Variants in CLEC1A observed in about 807,000 individuals in gnomAD.
CLEC1A encodes C-type lectin domain family 1 member A.
In CLEC1A, 34 loss-of-function variants were observed where a neutral mutation model predicts 28.7. That is an observed-to-expected ratio of 1.18 (90% CI 0.90 to 1.57). The LOEUF (loss-of-function observed/expected upper bound fraction) is 1.57. Ranked by LOEUF, CLEC1A falls within the 40% of genes most tolerant of loss-of-function variation. The pLI, the probability that CLEC1A is intolerant of heterozygous loss-of-function variation, is 0.00. For synonymous variants in CLEC1A, 116 were observed against 121.0 expected (o/e 0.96, Z 0.27); for missense variants, 385 against 339.5 (o/e 1.13, Z -1.05).
Position 10,071,284 on chromosome 12 carries a change from C to T in CLEC1A, c.*49G>A, listed in dbSNP as rs765283534. 1.5e-5 allele frequency: 24 copies of T among 1,563,782 alleles called. No individual in the cohort carries two copies. The highest frequency in any genetic ancestry group is 1.8e-5 in the Non-Finnish European group (21 of 1,147,762). The stretch of plus-strand genomic sequence containing the variant: ...TTCCCAATGTCTCAACTAGCCCTTG[C>T]TTTGGCACCGCCTGGCTCACTCTGC... On this transcript the variant is annotated 3_prime_UTR_variant, in exon 6 of 6. Coordinates refer to ENST00000315330, the MANE Select transcript of CLEC1A (RefSeq NM_016511.4).
intron 3 of CLEC1A, among the ~76,000 whole-genome samples, chr12:10,080,416 T>C (rs1265486358): frequency 6.6e-6 from 1 of 152,126 alleles, no homozygotes; most frequent in African/African-American, 2.4e-5. Context: ...GAAGTAAAAC[T>C]GTGCCTATTA....
At chr12:10,086,318 G>A (rs1235461002) in intron 2 of CLEC1A, among the ~76,000 whole-genome samples, 2 of 137,108 alleles carry the variant, frequency 1.5e-5, no homozygotes, top group African/African-American at 2.7e-5. Flanking sequence ...AAATCCAGTA[G>A]AAGAAAAGAA....
At chr12:10,074,901 G>A (rs1394286757) in intron 4 of CLEC1A, among the ~76,000 whole-genome samples, 2 of 151,922 alleles carry the variant, frequency 1.3e-5, no homozygotes, top group Non-Finnish European at 2.9e-5. Context: ...AATAAACAAC[G>A]GCCATACTAT....
At chr12:10,096,712 T>C (rs1219547851) in intron 1 of CLEC1A, among the ~76,000 whole-genome samples, 1 of 152,146 alleles carries the variant, frequency 6.6e-6, no homozygotes, top group African/African-American at 2.4e-5. Flanking sequence ...CTTATAGTTC[T>C]CTAAAAATAC....
At chr12:10,098,197 A>G (rs1405091443) in intron 1 of CLEC1A, among the ~76,000 whole-genome samples, 1 of 152,196 alleles carries the variant, frequency 6.6e-6, no homozygotes, top group Non-Finnish European at 1.5e-5. Flanking sequence ...CCATTTCTTA[A>G]GAACCTAAAG....
chr12:10,092,718 T>A (rs1424063578), intron 1 of CLEC1A, among the ~76,000 whole-genome samples: 1 of 152,090 alleles, frequency 6.6e-6, no homozygotes, highest in African/African-American at 2.4e-5. Flanking sequence ...AATCAGAACA[T>A]CTTTCAATAA....
At chr12:10,071,757 A>G (rs1866140752) in intron 5 of CLEC1A, among the ~76,000 whole-genome samples, 1 of 152,192 alleles carries the variant, frequency 6.6e-6, no homozygotes, top group Non-Finnish European at 1.5e-5. Context: ...GTTCTCCTCC[A>G]AATTTATATA....
At chr12:10,081,435 G>A (rs1565602597) in intron 2 of CLEC1A, 22 bp from the exon 3 acceptor site, 3 of 1,563,884 alleles carry the variant, frequency 1.9e-6, no homozygotes, top group Non-Finnish European at 2.6e-6. Context: ...GACCAAGTCA[G>A]ACTGGACAGC....
At chr12:10,091,668 A>G (rs895687353) in intron 1 of CLEC1A, among the ~76,000 whole-genome samples, 3 of 151,406 alleles carry the variant, frequency 2.0e-5, no homozygotes, top group African/African-American at 7.3e-5. Context: ...AAAAAAAAAA[A>G]GATTAGAGGC....
chr12:10,079,774 A>G (rs1378690998), intron 3 of CLEC1A, among the ~76,000 whole-genome samples: 1 of 152,080 alleles, frequency 6.6e-6, no homozygotes, highest in Non-Finnish European at 1.5e-5. Flanking sequence ...AGCCGAGATC[A>G]TGCCACTGCA....
chr12:10,086,856 A>G (rs4499082), intron 2 of CLEC1A, among the ~76,000 whole-genome samples: 120,986 of 152,010 alleles, frequency 0.8, 49,381 homozygotes, highest in Middle Eastern at 0.88. Flanking sequence ...GAACAAAAAG[A>G]AAACTACAGA....
chr12:10,079,531 A>AT (rs869108998), intron 3 of CLEC1A, among the ~76,000 whole-genome samples: 4 of 139,362 alleles, frequency 2.9e-5, no homozygotes, highest in East Asian at 4.0e-4. Flanking sequence ...TTAAAAAAAA[A>AT]TTTTTTTTAG....
chr12:10,077,073 T>C (rs759445924), intron 3 of CLEC1A, among the ~76,000 whole-genome samples: 1 of 152,140 alleles, frequency 6.6e-6, no homozygotes, highest in Non-Finnish European at 1.5e-5. Context: ...GGGGAATTAA[T>C]AGAGAAATTT....
chr12:10,089,580 A>G (rs1230351253), intron 1 of CLEC1A, among the ~76,000 whole-genome samples: 1 of 152,052 alleles, frequency 6.6e-6, no homozygotes, highest in African/African-American at 2.4e-5. Flanking sequence ...TCTGAAACAC[A>G]GCCTGAGAAT....
chr12:10,079,060 C>T (rs1866312230), intron 3 of CLEC1A, among the ~76,000 whole-genome samples: 1 of 152,196 alleles, frequency 6.6e-6, no homozygotes, highest in Non-Finnish European at 1.5e-5. Flanking sequence ...ATTACCCAGG[C>T]TCAGGTACTC....
At chr12:10,077,555 T>A (rs1189500760) in intron 3 of CLEC1A, among the ~76,000 whole-genome samples, 1 of 152,132 alleles carries the variant, frequency 6.6e-6, no homozygotes, top group African/African-American at 2.4e-5. Context: ...AAATACTAAT[T>A]TCTAAACGGA....
intron 3 of CLEC1A, among the ~76,000 whole-genome samples, chr12:10,078,682 G>A (rs957256592): frequency 2.0e-5 from 3 of 152,170 alleles, no homozygotes; most frequent in African/African-American, 4.8e-5. Context: ...AATAAGGAAC[G>A]TTGGGGGCCA....
intron 3 of CLEC1A, among the ~76,000 whole-genome samples, chr12:10,080,986 T>C (rs748921050): frequency 1.3e-5 from 2 of 152,340 alleles, no homozygotes; most frequent in Admixed American, 6.5e-5. Flanking sequence ...CGTAGTCTTA[T>C]TTTGGTTATT....
intron 3 of CLEC1A, among the ~76,000 whole-genome samples, chr12:10,080,374 G>A (rs1866343234): frequency 6.6e-6 from 1 of 151,992 alleles, no homozygotes. Flanking sequence ...GACCATTGAG[G>A]TCATTAGTTA....
Sources: allele counts gnomAD v4.1 joint callset (sites outside exome capture counted in the v4.1 genomes callset), GRCh38; gene constraint gnomAD v4.1.1; transcripts MANE v1.5; gene names NCBI Gene and HGNC (gene_info 2026-07-23, HGNC 2026-07-21).